Variants in TBC1D8 observed in about 807,000 individuals in gnomAD.
TBC1D8 encodes the protein TBC1 domain family member 8, also known as BUB2-like protein 1.
Under a neutral mutation model 118.8 loss-of-function variants are expected in TBC1D8, and 65 were observed. The ratio of observed to expected loss-of-function variants is 0.55; its 90% CI spans 0.45 to 0.67. The LOEUF (loss-of-function observed/expected upper bound fraction) is 0.67, where lower values mean the gene tolerates loss of function less well. TBC1D8 is among the 30% of genes least tolerant of loss of function. The probability of loss-of-function intolerance (pLI) is 0.00; values close to 1 mark genes in which losing one functional copy is unlikely to be tolerated. For missense variants in TBC1D8, 1,376 were observed against 1,471.2 expected, an observed-to-expected ratio of 0.94 and a Z score of 1.06; for synonymous variants, 566 against 595.8, an observed-to-expected ratio of 0.95 and a Z score of 0.73.
chr2:101,054,311 C>T lies in TBC1D8; in HGVS notation c.428G>A (p.Ser143Asn), dbSNP rs1224486903. ...VKALIAEETS[S>N]RLAEQEEEPE... Reference sequence around the variant, plus strand: ...TTCCTCCTCCTGCTCGGCGAGCCTGCTGCTGGTCTCCTCGGCTATCAGAGC... The same window carrying T: ...TTCCTCCTCCTGCTCGGCGAGCCTGTTGCTGGTCTCCTCGGCTATCAGAGC... Residue 143 changes from serine to asparagine, a missense_variant, in exon 4 of 20, where the codon AGC (serine) becomes AAC (asparagine). Transcript: ENST00000409318. The T allele has an allele frequency of 1.3e-6, 2 of 1,570,114 alleles. No homozygotes were observed. Among genetic ancestry groups the T allele is most frequent in the African/African-American group, 1.4e-5 (1 of 74,024 alleles).
At chr2:101,066,493 G>C (rs1378477307) in intron 2 of TBC1D8, among the ~76,000 whole-genome samples, 1 of 151,858 alleles carries the variant, frequency 6.6e-6, no homozygotes, top group East Asian at 1.9e-4. Context: ...TTAACTATTG[G>C]GTTATTAAAA....
At chr2:101,067,303 G>A (rs1321632980) in intron 2 of TBC1D8, among the ~76,000 whole-genome samples, 1 of 152,208 alleles carries the variant, frequency 6.6e-6, no homozygotes, top group Non-Finnish European at 1.5e-5. Flanking sequence ...TGCATGGGAA[G>A]AGTAAAATGT....
intron 1 of TBC1D8, among the ~76,000 whole-genome samples, chr2:101,149,507 C>T (rs1202283268): frequency 6.6e-6 from 1 of 152,210 alleles, no homozygotes; most frequent in Admixed American, 6.5e-5. Flanking sequence ...TACATATGTG[C>T]ACGGAACTCA....
intron 2 of TBC1D8, among the ~76,000 whole-genome samples, chr2:101,071,659 T>C (rs1427914744): frequency 6.6e-6 from 1 of 152,198 alleles, no homozygotes; most frequent in Non-Finnish European, 1.5e-5. Context: ...TGCCTGTGTT[T>C]TTCCCCAGTT....
chr2:101,128,760 C>T (rs1678460063), intron 1 of TBC1D8, among the ~76,000 whole-genome samples: 2 of 152,124 alleles, frequency 1.3e-5, no homozygotes, highest in Non-Finnish European at 2.9e-5. Context: ...TATCATTAGC[C>T]TCAAATAATA....
intron 1 of TBC1D8, among the ~76,000 whole-genome samples, chr2:101,127,209 G>A (rs1328478297): frequency 6.6e-6 from 1 of 152,084 alleles, no homozygotes; most frequent in East Asian, 1.9e-4. Flanking sequence ...GGTGGCAGGT[G>A]CCTGTAATCC....
In TBC1D8 at chr2:101,139,325, AC is replaced by A. The variant is rs139786102; in HGVS notation, c.127+11801del. Among the ~76,000 whole-genome samples the A allele has an allele frequency of 5.3e-3, 561 of 106,810 alleles. 26 individuals are homozygous for A. The East Asian group carries it at 0.12, about 23-fold the overall frequency. The allele number at this position is 106,810 out of a possible 152,430, so 70.1% of individuals were successfully genotyped here. A position where few individuals can be genotyped will look rare whatever the true frequency, so the allele number is the denominator to read the frequency against. On this transcript the variant is annotated intron_variant, in intron 1 of 19. Coordinates refer to ENST00000409318, the MANE Select transcript of TBC1D8 (RefSeq NM_001330348.2). ...AATATGTATCCAAAAACAAAAAACA[AC>A]AAAAAAAAAAACACCACCACATCCC...
At position 101,007,868 on chromosome 2, in the gene TBC1D8, C is replaced by CAA. The variant is rs34592404; in HGVS notation, c.3419_3420dup (p.Glu1141LeufsTer3). ...TCAGATTGTGATTGGTGGCTCATTT[C>CAA]AAAAGTTTTGAGATTGTACTGATTG... is the stretch of plus-strand genomic sequence containing the variant. On this transcript the variant is annotated frameshift_variant, in exon 20 of 20. Transcript: ENST00000409318. LOFTEE classifies it high-confidence loss of function. The CAA allele has an allele frequency of 6.2e-7, 1 of 1,611,160 alleles. No homozygotes were observed. The highest frequency in any genetic ancestry group is 8.5e-7 in the Non-Finnish European group (1 of 1,179,872).
At chr2:101,106,629 C>CA (rs1260742029) in intron 1 of TBC1D8, among the ~76,000 whole-genome samples, 1 of 152,192 alleles carries the variant, frequency 6.6e-6, no homozygotes, top group African/African-American at 2.4e-5. Context: ...ACAATGGTTC[C>CA]ACTTAACGGT....
intron 1 of TBC1D8, among the ~76,000 whole-genome samples, chr2:101,115,077 C>G (rs912482976): frequency 3.3e-5 from 5 of 152,212 alleles, no homozygotes; most frequent in African/African-American, 9.7e-5. Context: ...CGGATCCCAA[C>G]AGTGTCCAAG....
At position 101,007,897 on chromosome 2, in the gene TBC1D8, T is replaced by G; in HGVS notation, c.3392A>C (p.Lys1131Thr). 6.2e-7 allele frequency: 1 copy of G among 1,614,058 alleles called. No individual in the cohort carries two copies. The change falls in exon 20 of 20, where the codon AAG becomes ACG. Residue 1131 changes from lysine to threonine, a missense_variant. Coordinates refer to ENST00000409318, the MANE Select transcript of TBC1D8 (RefSeq NM_001330348.2). ...AGTTTTGAGATTGTACTGATTGATC[T>G]TGGCATTTTCAAGTTTGGATTTCAT... ...LDMKSKLENA[K>T]INQYNLKTFE...
At position 101,029,708 on chromosome 2, in the gene TBC1D8, T is replaced by C; in HGVS notation, c.2005A>G (p.Met669Val). Residue 669 changes from methionine (M) to valine (V), a missense_variant, in exon 12 of 20, where the codon ATG (methionine) becomes GTG (valine). Coordinates refer to ENST00000409318, the MANE Select transcript of TBC1D8 (RefSeq NM_001330348.2). ...KGHLPELAEH[M>V]NDLSALASVS... ...GACGCCAGGGCTGAGAGGTCGTTCA[T>C]GTGCTCTGCCAGCTCTGGGAGATGA... 1 of 1,614,016 alleles carries C rather than the reference T, an allele frequency of 6.2e-7. No homozygotes were observed. Among genetic ancestry groups the C allele is most frequent in the Non-Finnish European group, 8.5e-7 (1 of 1,179,878 alleles).
intron 2 of TBC1D8, among the ~76,000 whole-genome samples, chr2:101,073,538 C>T (rs1455052526): frequency 6.6e-6 from 1 of 152,130 alleles, no homozygotes; most frequent in East Asian, 1.9e-4. Flanking sequence ...TCGTGATCCG[C>T]CCGCCTCGGC....
intron 1 of TBC1D8, among the ~76,000 whole-genome samples, chr2:101,103,386 CTT>C (rs1283175756): frequency 7.6e-6 from 1 of 131,748 alleles, no homozygotes; most frequent in Non-Finnish European, 1.6e-5. Context: ...TCAAGAACTT[CTT>C]TTTTTTTTTT....
At chr2:101,079,341 T>G (rs955065775) in intron 2 of TBC1D8, among the ~76,000 whole-genome samples, 4 of 152,196 alleles carry the variant, frequency 2.6e-5, no homozygotes, top group Admixed American at 2.6e-4. Context: ...TAGAGAAAAG[T>G]CTGATTCCAG....
In TBC1D8 at chr2:101,050,448, G is replaced by A. The variant is rs367832865; in HGVS notation, c.825C>T (p.Val275=). 63 of 1,613,774 alleles carry A rather than the reference G, an allele frequency of 3.9e-5. No individual in the cohort carries two copies. The highest frequency in any genetic ancestry group is 2.3e-4 in the Admixed American group (14 of 59,990). ...CCTGCAGATCGGGGTCGAGGTCAAAGACCTCATTATCCAGCAGCCTTCGCA... is the reference window on the plus strand; with the variant it reads ...CCTGCAGATCGGGGTCGAGGTCAAAAACCTCATTATCCAGCAGCCTTCGCA... ...VTLRRLLDNE[V]FDLDPDLQEP... The change falls in exon 5 of 20, where the codon GTC becomes GTT. Residue 275 remains valine (V), a synonymous_variant. Transcript: ENST00000409318.
At chr2:101,022,670 C>G in intron 15 of TBC1D8, 149 bp from the exon 16 acceptor site, 1 of 1,217,516 alleles carries the variant, frequency 8.2e-7, no homozygotes, top group Non-Finnish European at 1.1e-6. Context: ...ACATCCTTAC[C>G]CACATGAACA....
intron 1 of TBC1D8, 119 bp downstream of exon 1, chr2:101,151,008 G>A: frequency 4.1e-6 from 3 of 733,714 alleles, no homozygotes; most frequent in Non-Finnish European, 5.0e-6. Context: ...GGGCCGTCCG[G>A]GCCCCGCGTC....
intron 1 of TBC1D8, among the ~76,000 whole-genome samples, chr2:101,131,469 C>T (rs896639748): frequency 1.3e-4 from 20 of 149,770 alleles, no homozygotes; most frequent in East Asian, 2.0e-4. Flanking sequence ...GAGCCCAGTG[C>T]GCTATTGCAG....
Sources: gnomAD v4.1 joint callset for allele counts (sites outside exome capture counted in the v4.1 genomes callset) on GRCh38, gnomAD v4.1.1 for gene constraint, MANE v1.5 for transcripts, NCBI Gene and HGNC (gene_info 2026-07-23, HGNC 2026-07-21) for gene names.